Variants in XPNPEP1 observed in about 807,000 individuals in gnomAD.
XPNPEP1 encodes X-prolyl aminopeptidase 1.
Under a neutral mutation model 92.4 loss-of-function variants are expected in XPNPEP1, and 39 were observed. The ratio of observed to expected loss-of-function variants is 0.42; its 90% CI spans 0.33 to 0.55. The LOEUF (loss-of-function observed/expected upper bound fraction) is 0.55, where lower values mean the gene tolerates loss of function less well. Among genes scored for constraint, XPNPEP1 ranks in the 20% least tolerant of loss-of-function variants. XPNPEP1 has a pLI of 0.08. For missense variants in XPNPEP1, 654 were observed against 856.1 expected (o/e 0.76, Z 2.95); for synonymous variants, 307 against 299.4 (o/e 1.03, Z -0.26).
intron 3 of XPNPEP1, among the ~76,000 whole-genome samples, chr10:109,902,650 GA>G (rs1412879242): frequency 6.6e-6 from 1 of 152,214 alleles, no homozygotes; most frequent in Non-Finnish European, 1.5e-5. Flanking sequence ...AAAGAGTGGA[GA>G]GGGGTGATGA....
intron 10 of XPNPEP1, among the ~76,000 whole-genome samples, chr10:109,881,291 T>G (rs1341065659): frequency 6.6e-6 from 1 of 152,186 alleles, no homozygotes; most frequent in Non-Finnish European, 1.5e-5. Flanking sequence ...ATCACCCTTC[T>G]CTTGCTGTAC....
chr10:109,914,568 G>A (rs112704431), intron 2 of XPNPEP1, among the ~76,000 whole-genome samples: 1 of 152,036 alleles, frequency 6.6e-6, no homozygotes. Context: ...AGGCCAAGGC[G>A]GGCAGATCAC....
At chr10:109,917,506 T>C (rs966928314) in intron 1 of XPNPEP1, among the ~76,000 whole-genome samples, 2 of 152,200 alleles carry the variant, frequency 1.3e-5, no homozygotes, top group African/African-American at 4.8e-5. Context: ...AGCTATTCCA[T>C]GGTCATGGAT....
At chr10:109,883,885 G>T in intron 9 of XPNPEP1, 182 bp downstream of exon 9, 1 of 566,096 alleles carries the variant, frequency 1.8e-6, no homozygotes. Context: ...CTCAAAGAGA[G>T]GCAGGATATA....
At chr10:109,883,797 C>T in intron 9 of XPNPEP1, 1 of 386,428 alleles carries the variant, frequency 2.6e-6, no homozygotes, top group Non-Finnish European at 4.6e-6. Context: ...CCCCTTAACA[C>T]TGGCTGCTAG....
At chr10:109,877,309 T>G (rs1425516008) in intron 14 of XPNPEP1, 1 of 154,838 alleles carries the variant, frequency 6.5e-6, no homozygotes, top group African/African-American at 2.4e-5. Flanking sequence ...TACAAAAAAA[T>G]CTAAAAATTA....
intron 1 of XPNPEP1, among the ~76,000 whole-genome samples, chr10:109,921,879 A>T (rs1160089109): frequency 6.6e-6 from 1 of 152,200 alleles, no homozygotes; most frequent in Non-Finnish European, 1.5e-5. Context: ...CAGATCAGGG[A>T]CTTCTGCTCC....
In XPNPEP1 at chr10:109,873,356, C is replaced by T. The variant is rs575788092; in HGVS notation, c.1452+11G>A. ...AGAGAGGACCTCTTGAGTTTTTTAC[C>T]TCCACCTTACCTTCTCGTAGGCTGT... is the stretch of plus-strand genomic sequence containing the variant. On this transcript the variant is annotated intron_variant, in intron 16 of 20. Coordinates refer to ENST00000502935, the MANE Select transcript of XPNPEP1 (RefSeq NM_020383.4). 6.2e-7 allele frequency: 1 copy of T among 1,614,028 alleles called. No individual in the cohort carries two copies. The highest frequency in any genetic ancestry group is 2.2e-5 in the East Asian group (1 of 44,872).
chr10:109,891,111 C>A (rs1000391581), intron 5 of XPNPEP1, among the ~76,000 whole-genome samples: 1 of 152,218 alleles, frequency 6.6e-6, no homozygotes, highest in Admixed American at 6.5e-5. Context: ...AGAGTATATA[C>A]ACACATTATT....
At chr10:109,911,431 G>C (rs577690255) in intron 2 of XPNPEP1, among the ~76,000 whole-genome samples, 1 of 152,204 alleles carries the variant, frequency 6.6e-6, no homozygotes, top group South Asian at 2.1e-4. Flanking sequence ...CTAATCTACT[G>C]GGCCTATAAT....
chr10:109,888,086 A>G lies in XPNPEP1; in HGVS notation c.615T>C (p.Pro205=). 1 of 1,614,102 alleles carries G rather than the reference A, an allele frequency of 6.2e-7. No individual in the cohort carries two copies. Among genetic ancestry groups the G allele is most frequent in the Non-Finnish European group, 8.5e-7 (1 of 1,180,010 alleles). Reference sequence around the variant, plus strand: ...GGCCCAGTGTGAGGAGAGGCTTGCAAGGGCGCTCAGGACGGTCTGTCCAGA... The same window carrying G: ...GGCCCAGTGTGAGGAGAGGCTTGCAGGGGCGCTCAGGACGGTCTGTCCAGA... ...DKIWTDRPER[P]CKPLLTLGLD... The change falls in exon 7 of 21, where the codon CCT becomes CCC. Residue 205 remains proline, a synonymous_variant. Coordinates refer to ENST00000502935, the MANE Select transcript of XPNPEP1 (RefSeq NM_020383.4).
At chr10:109,897,325 T>C (rs1849040610) in intron 3 of XPNPEP1, among the ~76,000 whole-genome samples, 1 of 152,090 alleles carries the variant, frequency 6.6e-6, no homozygotes, top group South Asian at 2.1e-4. Context: ...CCCTTTTCCA[T>C]GAAGCTTCCT....
At position 109,870,924 on chromosome 10, in the gene XPNPEP1, A is replaced by G; in HGVS notation, c.1523-20T>C. On this transcript the variant is annotated intron_variant, in intron 17 of 20. Coordinates refer to ENST00000502935, the MANE Select transcript of XPNPEP1 (RefSeq NM_020383.4). ...GGTGACCTGAAAGACATAAAGAGCC[A>G]CTTAATTGTATTTGTACAGCGCTTT... 6.2e-7 allele frequency: 1 copy of G among 1,610,644 alleles called. No individual in the cohort carries two copies. Among genetic ancestry groups the G allele is most frequent in the Admixed American group, 1.7e-5 (1 of 59,188 alleles).
chr10:109,888,414 G>T, intron 6 of XPNPEP1, 89 bp downstream of exon 6: 2 of 1,363,154 alleles, frequency 1.5e-6, no homozygotes, highest in African/African-American at 2.9e-5. Context: ...GCCCCCCAGT[G>T]CTCCACACCC....
At position 109,876,719 on chromosome 10, in the gene XPNPEP1, GC is replaced by G. The variant is rs1443327814; in HGVS notation, c.1319+1070del. 2.0e-5 allele frequency: 3 copies of G among 152,286 alleles called. 1 individual carries two copies. The highest frequency in any genetic ancestry group is 7.2e-5 in the African/African-American group (3 of 41,482). 9.4% of individuals were successfully genotyped at this position (152,286 alleles called of 1,614,324 possible). On this transcript the variant is annotated intron_variant, in intron 14 of 20. Coordinates refer to ENST00000502935, the MANE Select transcript of XPNPEP1 (RefSeq NM_020383.4). ...TATTAAAAGGGGGAAAAAAGTGTGT[GC>G]CCAAGCACAGTGTTCTTTTGTTGGC...
Position 109,868,536 on chromosome 10 carries a change from A to C in XPNPEP1, c.1872+78T>G, listed in dbSNP as rs78416507. Reference sequence around the variant, plus strand: ...GACTGGATTAGAGAATTTAGGATTTAGAGGATGGATTAGAACTATTTAAGG... The same window carrying C: ...GACTGGATTAGAGAATTTAGGATTTCGAGGATGGATTAGAACTATTTAAGG... On this transcript the variant is annotated intron_variant, in intron 20 of 20. Coordinates refer to ENST00000502935, the MANE Select transcript of XPNPEP1 (RefSeq NM_020383.4). 639 of 1,223,998 alleles carry C rather than the reference A, an allele frequency of 5.2e-4. 8 individuals carry two copies. In the East Asian group the frequency reaches 0.015, roughly 28 times the overall value. The allele number at this position is 1,223,998 out of a possible 1,614,324, so 75.8% of individuals were successfully genotyped here.
intron 16 of XPNPEP1, among the ~76,000 whole-genome samples, chr10:109,873,153 C>T (rs1025713290): frequency 2.6e-5 from 4 of 152,228 alleles, no homozygotes; most frequent in African/African-American, 7.2e-5. Flanking sequence ...GCTGCCCTAA[C>T]CTTAGCAGAA....
intron 3 of XPNPEP1, among the ~76,000 whole-genome samples, chr10:109,894,586 C>G (rs1168517059): frequency 1.3e-5 from 2 of 150,682 alleles, no homozygotes; most frequent in African/African-American, 2.4e-5. Context: ...CCTCTTTCAC[C>G]AAGGCACCGG....
chr10:109,884,181 C>G, intron 8 of XPNPEP1, 33 bp from the exon 9 acceptor site: 1 of 1,608,062 alleles, frequency 6.2e-7, no homozygotes, highest in Non-Finnish European at 8.5e-7. Flanking sequence ...TGTCACCTGT[C>G]TGACTTAAGA....
Sources: allele counts gnomAD v4.1 joint callset (sites outside exome capture counted in the v4.1 genomes callset), GRCh38; gene constraint gnomAD v4.1.1; transcripts MANE v1.5; gene names NCBI Gene and HGNC (gene_info 2026-07-23, HGNC 2026-07-21).